ZNF19: variants seen among roughly 807,000 people sequenced by gnomAD.
ZNF19 encodes zinc finger protein 19.
Under a neutral mutation model 13.1 loss-of-function variants are expected in ZNF19, and 11 were observed. That is an observed-to-expected ratio of 0.84 (90% CI 0.53 to 1.39). The LOEUF is 1.39. ZNF19 is among the 40% of genes most tolerant of loss of function. The pLI, the probability that ZNF19 is intolerant of heterozygous loss-of-function variation, is 0.00. For missense variants in ZNF19, 560 were observed against 547.0 expected (o/e 1.02, Z -0.24); for synonymous variants, 186 against 187.0 (o/e 0.99, Z 0.04).
At position 71,489,316 on chromosome 16, in the gene ZNF19, A is replaced by C; in HGVS notation, c.-234T>G. 1.0e-6 allele frequency: 1 copy of C among 985,468 alleles called. No homozygotes were observed. The highest frequency in any genetic ancestry group is 1.7e-5 in the African/African-American group (1 of 57,368). The allele number at this position is 985,468 out of a possible 1,614,324, so 61.0% of individuals were successfully genotyped here. A position where few individuals can be genotyped will look rare whatever the true frequency, so the allele number is the denominator to read the frequency against. On this transcript the variant is annotated 5_prime_UTR_variant, in exon 1 of 6. Coordinates refer to ENST00000288177, the MANE Select transcript of ZNF19 (RefSeq NM_006961.4). The stretch of plus-strand genomic sequence containing the variant: ...ACAGGCCAGAAGCGCACCGCTAGCG[A>C]GAACGGTTAGGAGGCCGGAAGTGCG...
chr16:71,476,096 C>A lies in ZNF19; in HGVS notation c.451G>T (p.Val151Phe), dbSNP rs1463757588. The A allele has an allele frequency of 1.9e-6, 3 of 1,614,032 alleles. No homozygotes were observed. Among genetic ancestry groups the A allele is most frequent in the Admixed American group, 1.7e-5 (1 of 60,006 alleles). The change falls in exon 6 of 6, where the codon GTT becomes TTT. Residue 151 changes from valine (V) to phenylalanine (F), a missense_variant. Physicochemically the swap from Val to Phe is conservative, Grantham distance 50 (BLOSUM62 -1). Coordinates refer to ENST00000288177, the MANE Select transcript of ZNF19 (RefSeq NM_006961.4). ...IPTVKNIQGK[V>F]PRIPCARKPF... ...TTCCTTGCACAGGGGATTCTTGGAA[C>A]CTTTCCTTGGATATTTTTCACTGTG...
Position 71,475,333 on chromosome 16 carries a change from C to G in ZNF19, c.1214G>C (p.Arg405Thr). 5.0e-6 allele frequency: 8 copies of G among 1,613,772 alleles called. No individual in the cohort carries two copies. Among genetic ancestry groups the G allele is most frequent in the Non-Finnish European group, 5.9e-6 (7 of 1,179,898 alleles). ...TSKRNLHQHQ[R>T]IHTGEKPYEC... ...ATAGGGTTTCTCTCCAGTATGGATT[C>G]TTTGATGCTGATGAAGATTTCTTTT... The change falls in exon 6 of 6, where the codon AGA becomes ACA. Residue 405 changes from arginine to threonine, a missense_variant. Coordinates refer to ENST00000288177, the MANE Select transcript of ZNF19 (RefSeq NM_006961.4).
chr16:71,481,532 G>C (rs950842683), intron 3 of ZNF19, among the ~76,000 whole-genome samples: 4 of 152,168 alleles, frequency 2.6e-5, no homozygotes, highest in African/African-American at 9.7e-5. Flanking sequence ...CCTAACTTCA[G>C]GTGTCCTGTT....
intron 1 of ZNF19, among the ~76,000 whole-genome samples, chr16:71,485,889 A>G (rs1416366075): frequency 6.6e-6 from 1 of 152,186 alleles, no homozygotes; most frequent in African/African-American, 2.4e-5. Flanking sequence ...CATAACCATC[A>G]GCAGTCACTC....
intron 2 of ZNF19, 109 bp from the exon 3 acceptor site, chr16:71,482,252 C>T: frequency 1.1e-6 from 1 of 936,192 alleles, no homozygotes; most frequent in South Asian, 1.4e-5. Flanking sequence ...TAAATGCTCA[C>T]TGGGTTAGTG....
At chr16:71,486,882 T>C (rs2043682149) in intron 1 of ZNF19, among the ~76,000 whole-genome samples, 1 of 152,132 alleles carries the variant, frequency 6.6e-6, no homozygotes, top group Admixed American at 6.5e-5. Flanking sequence ...TGGGAACCCG[T>C]ATGTTTACTT....
At chr16:71,478,372 GC>G (rs1315731856) in intron 4 of ZNF19, 31 bp from the exon 5 acceptor site, 1 of 1,493,200 alleles carries the variant, frequency 6.7e-7, no homozygotes, top group African/African-American at 1.4e-5. Context: ...GTACTTTTCA[GC>G]CCTGTATCTG....
At chr16:71,479,470 T>A (rs1362087527) in intron 3 of ZNF19, among the ~76,000 whole-genome samples, 2 of 152,158 alleles carry the variant, frequency 1.3e-5, no homozygotes, top group Non-Finnish European at 2.9e-5. Flanking sequence ...CCAAACCTTA[T>A]GCCCATGAAA....
At chr16:71,485,801 G>C (rs562032768) in intron 1 of ZNF19, among the ~76,000 whole-genome samples, 1 of 152,240 alleles carries the variant, frequency 6.6e-6, no homozygotes, top group South Asian at 2.1e-4. Context: ...AAATTAAATA[G>C]GTTTTAGTGT....
intron 2 of ZNF19, among the ~76,000 whole-genome samples, chr16:71,483,598 T>C (rs1476127737): frequency 6.6e-6 from 1 of 152,192 alleles, no homozygotes; most frequent in Non-Finnish European, 1.5e-5. Flanking sequence ...TATCCACCCT[T>C]CACCTTCAGA....
chr16:71,478,377 G>A (rs2043615606), intron 4 of ZNF19, 36 bp from the exon 5 acceptor site: 1 of 1,466,630 alleles, frequency 6.8e-7, no homozygotes, highest in Non-Finnish European at 9.5e-7. Flanking sequence ...TTTCAGCCCT[G>A]TATCTGCTGT....
At chr16:71,488,579 G>A (rs1000300451) in intron 1 of ZNF19, among the ~76,000 whole-genome samples, 4 of 152,030 alleles carry the variant, frequency 2.6e-5, no homozygotes, top group South Asian at 4.1e-4. Flanking sequence ...CAGGCGGATC[G>A]CCTGAGGTCA....
rs766674744 is a variant in ZNF19 at position 71,482,091 on chromosome 16, A to G, written c.24T>C (p.Ala8=). MAAMPLK[A]QYQEMVTFED... Reference sequence around the variant, plus strand: ...GGGATCCACAGCTCACCTGGTATTGAGCTTTCAGAGGCATGGCTGCCATGA... The same window carrying G: ...GGGATCCACAGCTCACCTGGTATTGGGCTTTCAGAGGCATGGCTGCCATGA... The change falls in exon 3 of 6, where the codon GCT becomes GCC. Residue 8 remains alanine, a synonymous_variant. Coordinates refer to ENST00000288177, the MANE Select transcript of ZNF19 (RefSeq NM_006961.4). 1 of 1,614,168 alleles carries G rather than the reference A, an allele frequency of 6.2e-7. No homozygotes were observed. The highest frequency in any genetic ancestry group is 8.5e-7 in the Non-Finnish European group (1 of 1,180,022).
rs1054510649 is a variant in ZNF19 at position 71,479,249 on chromosome 16, A to G, written c.34-244T>C. 7 of 538,596 alleles carry G rather than the reference A, an allele frequency of 1.3e-5. No homozygotes were observed. The African/African-American group carries it at 1.3e-4, about 10-fold the overall frequency. 33.4% of individuals were successfully genotyped at this position (538,596 alleles called of 1,614,324 possible). A position where few individuals can be genotyped will look rare whatever the true frequency, so the allele number is the denominator to read the frequency against. On this transcript the variant is annotated intron_variant, in intron 3 of 5. Transcript: ENST00000288177. The stretch of plus-strand genomic sequence containing the variant: ...ATTGACTGTCATAAAATGTGATTTA[A>G]CATTTTTTAAACCCTAGGAAAAAAA...
intron 1 of ZNF19, chr16:71,487,228 T>A (rs1012150839): frequency 6.6e-6 from 1 of 152,104 alleles, no homozygotes; most frequent in African/African-American, 2.4e-5. Flanking sequence ...GGGGGCGGAT[T>A]TCCCCCTTGC....
In ZNF19 at chr16:71,476,195, C is replaced by T. The variant is rs764882448; in HGVS notation, c.352G>A (p.Gly118Ser). The change falls in exon 6 of 6, where the codon GGT (glycine) becomes AGT (serine). Residue 118 changes from glycine (G) to serine (S), a missense_variant. By Grantham distance (56) the Gly-to-Ser change is moderately conservative (BLOSUM62 0). Transcript: ENST00000288177. ...SEERDGMMSH[G>S]QLKSVPQRTD... is the part of the protein sequence containing the mutation. ...CTCTGAGGGACACTCTTCAGCTGAC[C>T]ATGTGACATCATCCCATCTCTTTCT... 62 of 1,613,996 alleles carry T rather than the reference C, an allele frequency of 3.8e-5. No individual in the cohort carries two copies. Among genetic ancestry groups the T allele is most frequent in the Middle Eastern group, 3.3e-4 (2 of 6,084 alleles).
Position 71,482,138 on chromosome 16 carries a change from C to A in ZNF19, c.-24G>T. 1 of 1,613,874 alleles carries A rather than the reference C, an allele frequency of 6.2e-7. No individual in the cohort carries two copies. The highest frequency in any genetic ancestry group is 8.5e-7 in the Non-Finnish European group (1 of 1,179,948). ...ATGACCTGGTCTCCCTCTTAGCAGG[C>A]AAAGGCTGAGGGAAGAAACAGAGAG... On this transcript the variant is annotated 5_prime_UTR_variant, in exon 3 of 6. Coordinates refer to ENST00000288177, the MANE Select transcript of ZNF19 (RefSeq NM_006961.4).
chr16:71,489,225 C>T (rs2043703406), intron 1 of ZNF19, 47 bp downstream of exon 1: 16 of 984,470 alleles, frequency 1.6e-5, no homozygotes, highest in Non-Finnish European at 1.8e-5. Flanking sequence ...TGCTGTCTCA[C>T]TCCCAACCCA....
chr16:71,479,120 A>T (rs761005107), intron 3 of ZNF19, 115 bp from the exon 4 acceptor site: 1 of 1,457,536 alleles, frequency 6.9e-7, no homozygotes, highest in South Asian at 1.2e-5. Context: ...ATAGGTAATG[A>T]GAAAATGTGA....
Sources: gnomAD v4.1 joint callset for allele counts (sites outside exome capture counted in the v4.1 genomes callset) on GRCh38, gnomAD v4.1.1 for gene constraint, MANE v1.5 for transcripts, NCBI Gene and HGNC (gene_info 2026-07-23, HGNC 2026-07-21) for gene names.